Variants in NIPSNAP1 observed in about 807,000 individuals in gnomAD.
NIPSNAP1 encodes the protein nipsnap homolog 1.
Under a neutral mutation model 49.2 loss-of-function variants are expected in NIPSNAP1, and 25 were observed. That is an observed-to-expected ratio of 0.51 (90% CI 0.37 to 0.71). The LOEUF is 0.71. Among genes scored for constraint, NIPSNAP1 ranks in the 30% least tolerant of loss-of-function variants. The probability of loss-of-function intolerance (pLI) is 0.00; values close to 1 mark genes in which losing one functional copy is unlikely to be tolerated. For missense variants in NIPSNAP1, 294 were observed against 361.0 expected, an observed-to-expected ratio of 0.81 and a Z score of 1.50; for synonymous variants, 143 against 140.7, an observed-to-expected ratio of 1.02 and a Z score of -0.12.
At chr22:29,560,915 G>T in intron 7 of NIPSNAP1, 87 bp from the exon 8 acceptor site, 3 of 1,262,166 alleles carry the variant, frequency 2.4e-6, no homozygotes, top group Non-Finnish European at 3.5e-6. Flanking sequence ...TTCACAGGAG[G>T]GGCCTAGGTG....
intron 4 of NIPSNAP1, among the ~76,000 whole-genome samples, chr22:29,566,648 C>A (rs539852270): frequency 6.6e-6 from 1 of 152,086 alleles, no homozygotes; most frequent in South Asian, 2.1e-4. Flanking sequence ...CATAGCGAAA[C>A]CCTGTCTCTA....
intron 5 of NIPSNAP1, 49 bp downstream of exon 5, chr22:29,561,743 G>A (rs1273051255): frequency 6.2e-7 from 1 of 1,613,236 alleles, no homozygotes; most frequent in Non-Finnish European, 8.5e-7. Context: ...GAACAGGGCT[G>A]GGCTGCATCC....
rs2064487672 is a variant in NIPSNAP1, at chr22:29,580,249, G to A, written c.98+736C>T. On this transcript the variant is annotated intron_variant, in intron 1 of 9. Coordinates refer to ENST00000216121, the MANE Select transcript of NIPSNAP1 (RefSeq NM_003634.4). ...TGCAGGGTCATATATGCAGAGATGG[G>A]GGAAGTACAGGGCTGTGGGGACCAA... The A allele has an allele frequency of 2.3e-6, 3 of 1,292,532 alleles. No individual in the cohort carries two copies. In the Admixed American group the frequency reaches 6.9e-5, roughly 30 times the overall value. 80.1% of individuals were successfully genotyped at this position (1,292,532 alleles called of 1,614,324 possible).
rs1033662399 is a variant in NIPSNAP1 at position 29,561,108 on chromosome 22, C to A, written c.611+63G>T. On this transcript the variant is annotated intron_variant, in intron 7 of 9. Transcript: ENST00000216121. ...CCTGGAAAAGGTGGCCCACCAGGGGCCTTGGTGGGGCAGGTGAGCAGGGTA... is the reference window on the plus strand; with the variant it reads ...CCTGGAAAAGGTGGCCCACCAGGGGACTTGGTGGGGCAGGTGAGCAGGGTA... 1.9e-5 allele frequency: 29 copies of A among 1,506,484 alleles called. No homozygotes were observed. The African/African-American group carries it at 3.4e-4, about 18-fold the overall frequency. The allele number at this position is 1,506,484 out of a possible 1,614,324, so 93.3% of individuals were successfully genotyped here.
At chr22:29,563,301 A>G (rs960643000) in intron 4 of NIPSNAP1, among the ~76,000 whole-genome samples, 3 of 151,960 alleles carry the variant, frequency 2.0e-5, no homozygotes, top group African/African-American at 7.3e-5. Context: ...AGGCTGAGGC[A>G]GGTGGATCAT....
chr22:29,576,663 C>A (rs564856832), intron 1 of NIPSNAP1, among the ~76,000 whole-genome samples: 3 of 151,388 alleles, frequency 2.0e-5, no homozygotes, highest in Admixed American at 6.6e-5. Context: ...TGGTGGCTCA[C>A]GCCTGTAATC....
chr22:29,557,029 G>A (rs138624631), intron 9 of NIPSNAP1, among the ~76,000 whole-genome samples: 3 of 152,108 alleles, frequency 2.0e-5, no homozygotes, highest in Non-Finnish European at 2.9e-5. Context: ...GATGACAGGC[G>A]TGAGCCACTG....
chr22:29,558,956 G>A lies in NIPSNAP1; in HGVS notation c.707-3C>T, dbSNP rs2064315114. 1.2e-6 allele frequency: 2 copies of A among 1,610,994 alleles called. No homozygotes were observed. The highest frequency in any genetic ancestry group is 1.7e-6 in the Non-Finnish European group (2 of 1,177,806). On this transcript the variant is annotated splice_region_variant and splice_polypyrimidine_tract_variant and intron_variant, in intron 8 of 9. Coordinates refer to ENST00000216121, the MANE Select transcript of NIPSNAP1 (RefSeq NM_003634.4). ...CCGAGACTGCAGGTCTTTATAGGCTGTGAGAAAGGCACAGGCTCATTCCTC... is the reference window on the plus strand; with the variant it reads ...CCGAGACTGCAGGTCTTTATAGGCTATGAGAAAGGCACAGGCTCATTCCTC...
intron 9 of NIPSNAP1, among the ~76,000 whole-genome samples, chr22:29,558,620 T>C (rs1204827027): frequency 1.3e-5 from 2 of 152,148 alleles, no homozygotes; most frequent in East Asian, 3.8e-4. Flanking sequence ...AAGGTCACAA[T>C]GGGCGTTTGC....
rs542667126 is a variant in NIPSNAP1 at position 29,555,794 on chromosome 22, G to A, written c.*141C>T. On this transcript the variant is annotated 3_prime_UTR_variant, in exon 10 of 10. Coordinates refer to ENST00000216121, the MANE Select transcript of NIPSNAP1 (RefSeq NM_003634.4). ...AATCCTCAGAACTTGTCAGCCTTCA[G>A]TTCCCCCTTGTCTGAACTGAGCACT... 1 of 772,172 alleles carries A rather than the reference G, an allele frequency of 1.3e-6. No homozygotes were observed. The highest frequency in any genetic ancestry group is 2.3e-6 in the Non-Finnish European group (1 of 439,140). The allele number at this position is 772,172 out of a possible 1,614,324, so 47.8% of individuals were successfully genotyped here.
Position 29,561,861 on chromosome 22 carries a change from C to T in NIPSNAP1, c.369G>A (p.Val123=), listed in dbSNP as rs1253087340. The change falls in exon 5 of 10, where the codon GTG becomes GTA. Residue 123 remains valine (V), a splice_region_variant and synonymous_variant. Coordinates refer to ENST00000216121, the MANE Select transcript of NIPSNAP1 (RefSeq NM_003634.4). ...AGCCACCTGAGAATCGCCACAGGTG[C>T]ACTGTTGGGGGTGAGAGGTATAGGT... ...NTWYGEQDQA[V]HLWRFSGGYP... 2 of 1,613,946 alleles carry T rather than the reference C, an allele frequency of 1.2e-6. No individual in the cohort carries two copies. The highest frequency in any genetic ancestry group is 2.2e-5 in the South Asian group (2 of 91,076).
intron 1 of NIPSNAP1, among the ~76,000 whole-genome samples, chr22:29,573,767 T>G (rs76435509): frequency 1.4e-5 from 1 of 72,476 alleles, no homozygotes; most frequent in Non-Finnish European, 3.1e-5. Context: ...AAACTCTGTC[T>G]CAAAAAAAAA....
intron 1 of NIPSNAP1, among the ~76,000 whole-genome samples, chr22:29,574,289 A>AAAAGAAAGAAAAAG (rs1569249227): frequency 0.014 from 1,705 of 125,050 alleles, 124 homozygotes; most frequent in African/African-American, 0.052. Flanking sequence ...AAAAAAAAAA[A>AAAAGAAAGAAAAAG]AAAGAAAGAA....
intron 1 of NIPSNAP1, among the ~76,000 whole-genome samples, chr22:29,579,289 C>CTTTTTTTTTTT (rs34084606): frequency 1.4e-4 from 8 of 57,366 alleles, no homozygotes; most frequent in Non-Finnish European, 2.4e-4. Context: ...AATTTTTGTA[C>CTTTTTTTTTTT]TTTTTTTTTT....
At chr22:29,571,550 G>A (rs1209915890) in intron 1 of NIPSNAP1, among the ~76,000 whole-genome samples, 3 of 152,106 alleles carry the variant, frequency 2.0e-5, no homozygotes, top group Admixed American at 2.0e-4. Context: ...GGTCCCAGCA[G>A]GAGGCAGGGG....
intron 4 of NIPSNAP1, among the ~76,000 whole-genome samples, chr22:29,565,373 A>G (rs909186159): frequency 6.6e-6 from 1 of 152,148 alleles, no homozygotes; most frequent in Non-Finnish European, 1.5e-5. Context: ...TTAGCCAGGC[A>G]TGGTGGTTCA....
intron 4 of NIPSNAP1, among the ~76,000 whole-genome samples, chr22:29,566,713 A>G (rs2064370464): frequency 6.6e-6 from 1 of 152,088 alleles, no homozygotes; most frequent in Non-Finnish European, 1.5e-5. Context: ...AGTTCCAGCT[A>G]CTTGGGAGGC....
At chr22:29,574,345 T>G (rs186237854) in intron 1 of NIPSNAP1, among the ~76,000 whole-genome samples, 1 of 151,348 alleles carries the variant, frequency 6.6e-6, no homozygotes, top group Non-Finnish European at 1.5e-5. Flanking sequence ...TAATACTGCT[T>G]ACCTGGGAAA....
intron 4 of NIPSNAP1, chr22:29,564,295 A>G (rs1212160162): frequency 4.3e-6 from 2 of 469,628 alleles, no homozygotes; most frequent in Non-Finnish European, 8.8e-6. Flanking sequence ...GCCTGACCCT[A>G]TGGTTTAAAG....
Sources: gnomAD v4.1 joint callset for allele counts (sites outside exome capture counted in the v4.1 genomes callset) on GRCh38, gnomAD v4.1.1 for gene constraint, MANE v1.5 for transcripts, NCBI Gene and HGNC (gene_info 2026-07-23, HGNC 2026-07-21) for gene names.